The following LARGE1 variants were observed in gnomAD, a reference collection of about 807,000 sequenced individuals.
LARGE1 encodes xylosyl- and glucuronyltransferase LARGE1.
Under a neutral mutation model 87.6 loss-of-function variants are expected in LARGE1, and 43 were observed. The observed-to-expected ratio is 0.49, with a 90% CI of 0.38 to 0.63. The LOEUF (loss-of-function observed/expected upper bound fraction) is 0.63. Among genes scored for constraint, LARGE1 ranks in the 30% least tolerant of loss-of-function variants. LARGE1 has a pLI of 0.00. For missense variants in LARGE1, 802 were observed against 1,000.2 expected, an observed-to-expected ratio of 0.80 and a Z score of 2.67; for synonymous variants, 434 against 394.6, an observed-to-expected ratio of 1.10 and a Z score of -1.18.
At chr22:33,259,513 T>C (rs1927510835) in intron 11 of LARGE1, among the ~76,000 whole-genome samples, 1 of 151,828 alleles carries the variant, frequency 6.6e-6, no homozygotes. Flanking sequence ...CGTGTGTGCA[T>C]GGACACACAC....
chr22:33,172,600 A>G lies in LARGE1; in HGVS notation c.1731-5768T>C, dbSNP rs567335871. 2.0e-5 allele frequency among the ~76,000 whole-genome samples: 3 copies of G among 152,080 alleles called. No homozygotes were observed. In the South Asian group the frequency reaches 6.2e-4, roughly 32 times the overall value. ...ATATTGTCTATGATGTGAATTCTCCACCCCTATCCTAGGAACTCTAATTAC... is the reference window on the plus strand; with the variant it reads ...ATATTGTCTATGATGTGAATTCTCCGCCCCTATCCTAGGAACTCTAATTAC... On this transcript the variant is annotated intron_variant, in intron 11 of 11. Transcript: ENST00000608642.
At chr22:33,162,149 T>C (rs1922049342), downstream of LARGE1, 1 of 152,216 alleles carries the variant, frequency 6.6e-6, no homozygotes, top group Non-Finnish European at 1.5e-5. Flanking sequence ...CACCCCACTC[T>C]CATTATAATG....
intron 9 of LARGE1, among the ~76,000 whole-genome samples, chr22:33,365,720 A>C (rs944768399): frequency 2.0e-5 from 3 of 151,802 alleles, no homozygotes; most frequent in Admixed American, 1.3e-4. Flanking sequence ...GGGCTCAAGA[A>C]ATTCTCCTGC....
At position 33,424,990 on chromosome 22, in the gene LARGE1, G is replaced by A. The variant is rs551603181; in HGVS notation, c.892+7171C>T. Among the ~76,000 whole-genome samples the A allele has an allele frequency of 3.9e-5, 6 of 152,166 alleles. No homozygotes were observed. The South Asian group carries it at 8.3e-4, about 21-fold the overall frequency. On this transcript the variant is annotated intron_variant, in intron 7 of 14. Coordinates refer to ENST00000397394, the MANE Select transcript of LARGE1 (RefSeq NM_133642.5). ...TGTAAGAAGAGACACAAGGCTGGGCGCGGCAGCTCACGCCTGTAATCCCAG... is the reference window on the plus strand; with the variant it reads ...TGTAAGAAGAGACACAAGGCTGGGCACGGCAGCTCACGCCTGTAATCCCAG...
chr22:33,693,400 GA>G (rs140433459), intron 2 of LARGE1, among the ~76,000 whole-genome samples: 17,470 of 138,458 alleles, frequency 0.13, 1,523 homozygotes, highest in African/African-American at 0.26. Context: ...CAACTGAAAT[GA>G]AAAAAAAAAA....
chr22:33,356,046 T>TC (rs11393392), intron 9 of LARGE1, among the ~76,000 whole-genome samples: 142,010 of 152,162 alleles, frequency 0.93, 66,415 homozygotes, highest in South Asian at 0.97. Flanking sequence ...CCTCCCCAGT[T>TC]CCCCATTTTA....
chr22:33,461,886 C>A (rs1425317490), intron 6 of LARGE1, among the ~76,000 whole-genome samples: 5 of 152,022 alleles, frequency 3.3e-5, no homozygotes, highest in Admixed American at 1.3e-4. Context: ...AACTTGACAG[C>A]TACTTGAATG....
chr22:33,693,904 G>A (rs1258451702), intron 2 of LARGE1, among the ~76,000 whole-genome samples: 1 of 152,192 alleles, frequency 6.6e-6, no homozygotes, highest in African/African-American at 2.4e-5. Flanking sequence ...GTGTGCCTGT[G>A]TGTCATGGTA....
intron 6 of LARGE1, among the ~76,000 whole-genome samples, chr22:33,449,911 G>A (rs1390644282): frequency 2.6e-5 from 4 of 152,010 alleles, no homozygotes; most frequent in Non-Finnish European, 4.4e-5. Context: ...CGAGGATGAG[G>A]CTTTTGTACT....
intron 6 of LARGE1, among the ~76,000 whole-genome samples, chr22:33,501,923 T>A (rs115040327): frequency 0.011 from 1,732 of 152,288 alleles, 36 homozygotes; most frequent in African/African-American, 0.039. Context: ...GTGGGCATGA[T>A]GGCTCACGCT....
intron 6 of LARGE1, among the ~76,000 whole-genome samples, chr22:33,547,562 G>A (rs993367662): frequency 4.0e-5 from 6 of 151,874 alleles, no homozygotes; most frequent in Admixed American, 6.6e-5. Flanking sequence ...TTAGGAGGAC[G>A]AGGCAGGTGG....
intron 2 of LARGE1, among the ~76,000 whole-genome samples, chr22:33,665,541 A>T (rs1603051907): frequency 6.6e-6 from 1 of 152,196 alleles, no homozygotes; most frequent in African/African-American, 2.4e-5. Flanking sequence ...AATGTCATAC[A>T]TTATCTTATA....
intron 11 of LARGE1, among the ~76,000 whole-genome samples, chr22:33,221,231 G>T (rs1337973921): frequency 6.6e-6 from 1 of 151,964 alleles, no homozygotes; most frequent in African/African-American, 2.4e-5. Flanking sequence ...TTCCACACAC[G>T]ATTCTGATTA....
At chr22:33,588,276 CA>C (rs2078736851) in intron 5 of LARGE1, among the ~76,000 whole-genome samples, 1 of 152,148 alleles carries the variant, frequency 6.6e-6, no homozygotes. Flanking sequence ...AATAAGTACA[CA>C]AGGATCAATG....
chr22:33,084,039 TG>T, the LARGE1 span, among the ~76,000 whole-genome samples: 2 of 152,234 alleles, frequency 1.3e-5, no homozygotes, highest in Admixed American at 6.5e-5. Context: ...AACTGCTTTT[TG>T]TCTCCCACAT....
chr22:33,315,554 A>G (rs773064570), intron 11 of LARGE1, among the ~76,000 whole-genome samples: 19 of 152,150 alleles, frequency 1.2e-4, no homozygotes, highest in African/African-American at 1.7e-4. Context: ...TCAGACAATG[A>G]TAAGGTAAGA....
In LARGE1 at chr22:33,541,704, G is replaced by A. The variant is rs1353904672; in HGVS notation, c.787+23144C>T. On this transcript the variant is annotated intron_variant, in intron 6 of 14. Coordinates refer to ENST00000397394, the MANE Select transcript of LARGE1 (RefSeq NM_133642.5). ...TGCCCTCATCCTGTCTGGAGTCATC[G>A]TCTTACTGTTCTACAAGGAAAACAC... Among the ~76,000 whole-genome samples, 3 of 148,990 alleles carry A rather than the reference G, an allele frequency of 2.0e-5. No individual in the cohort carries two copies. The East Asian group carries it at 5.9e-4, about 29-fold the overall frequency.
chr22:33,269,228 G>A (rs1001072483), downstream of LARGE1, among the ~76,000 whole-genome samples: 3 of 152,176 alleles, frequency 2.0e-5, no homozygotes, highest in African/African-American at 7.2e-5. Flanking sequence ...AAGGGATAAA[G>A]TTATTTGTAT....
At chr22:33,770,250 A>C (rs1288240369) in intron 1 of LARGE1, among the ~76,000 whole-genome samples, 1 of 152,238 alleles carries the variant, frequency 6.6e-6, no homozygotes, top group Non-Finnish European at 1.5e-5. Context: ...TCCTCAGATC[A>C]TTTGTTTGAA....
Sources: allele counts gnomAD v4.1 joint callset (sites outside exome capture counted in the v4.1 genomes callset), GRCh38; gene constraint gnomAD v4.1.1; transcripts MANE v1.5; gene names NCBI Gene and HGNC (gene_info 2026-07-23, HGNC 2026-07-21).